Variants in GRIN2A observed in about 807,000 individuals in gnomAD.
The protein encoded by GRIN2A is glutamate ionotropic receptor NMDA type subunit 2A.
In GRIN2A, 22 loss-of-function variants were observed where a neutral mutation model predicts 113.4. The ratio of observed to expected loss-of-function variants is 0.19; its 90% CI spans 0.14 to 0.28. The LOEUF (loss-of-function observed/expected upper bound fraction) is 0.28, where lower values mean the gene tolerates loss of function less well. Among genes scored for constraint, GRIN2A ranks in the 10% least tolerant of loss-of-function variants. The pLI is 1.00. For synonymous variants in GRIN2A, 827 were observed against 738.4 expected (o/e 1.12, Z -1.94); for missense variants, 1,502 against 1,887.0 (o/e 0.80, Z 3.78).
At chr16:9,784,599 TTAAAC>T (rs1253902469) in intron 11 of GRIN2A, among the ~76,000 whole-genome samples, 6 of 152,098 alleles carry the variant, frequency 3.9e-5, no homozygotes, top group African/African-American at 9.6e-5. Context: ...TGGGATCTAA[TTAAAC>T]TAAAGAGCTT....
At chr16:9,850,346 T>C (rs1017830883) in intron 4 of GRIN2A, among the ~76,000 whole-genome samples, 16 of 152,192 alleles carry the variant, frequency 1.1e-4, no homozygotes, top group African/African-American at 3.9e-4. Context: ...ACTTACTAGC[T>C]GTACTAGGCA....
At chr16:10,049,313 G>T (rs2047313805) in intron 2 of GRIN2A, among the ~76,000 whole-genome samples, 1 of 151,900 alleles carries the variant, frequency 6.6e-6, no homozygotes, top group African/African-American at 2.4e-5. Flanking sequence ...AAGCATTTTA[G>T]ACTCATTATC....
chr16:9,833,384 T>C (rs570368674), intron 8 of GRIN2A, among the ~76,000 whole-genome samples: 1 of 152,368 alleles, frequency 6.6e-6, no homozygotes, highest in East Asian at 1.9e-4. Context: ...GTCAAACTAA[T>C]GTAAATTGAT....
At chr16:9,826,880 G>A in intron 9 of GRIN2A, among the ~76,000 whole-genome samples, 1 of 152,272 alleles carries the variant, frequency 6.6e-6, no homozygotes, top group East Asian at 1.9e-4. Context: ...AAACTATGTA[G>A]TAAGGATTTC....
intron 3 of GRIN2A, among the ~76,000 whole-genome samples, chr16:9,915,069 T>C (rs1205520047): frequency 1.3e-5 from 2 of 151,160 alleles, no homozygotes; most frequent in Non-Finnish European, 2.9e-5. Flanking sequence ...CCCTAGTAGC[T>C]GGGACTACAG....
chr16:10,012,068 C>CT (rs113283307), intron 2 of GRIN2A, among the ~76,000 whole-genome samples: 3,958 of 152,220 alleles, frequency 0.026, 188 homozygotes, highest in African/African-American at 0.091. Flanking sequence ...ATGATTTTGG[C>CT]TTTTTTTGTA....
intron 3 of GRIN2A, among the ~76,000 whole-genome samples, chr16:9,892,001 G>C (rs2043703884): frequency 6.6e-6 from 1 of 152,150 alleles, no homozygotes; most frequent in Non-Finnish European, 1.5e-5. Flanking sequence ...GGCTGAGGTA[G>C]GGGAATCACC....
intron 4 of GRIN2A, among the ~76,000 whole-genome samples, chr16:9,867,257 A>T (rs1198660861): frequency 6.6e-6 from 1 of 151,466 alleles, no homozygotes; most frequent in Non-Finnish European, 1.5e-5. Flanking sequence ...AAATTTTAGG[A>T]CTCCCTCTCT....
intron 3 of GRIN2A, among the ~76,000 whole-genome samples, chr16:9,925,553 A>C (rs1291734272): frequency 1.3e-5 from 2 of 152,176 alleles, no homozygotes; most frequent in Non-Finnish European, 2.9e-5. Flanking sequence ...CCATTCAGGG[A>C]GTCTGCCACA....
rs184874196 is a variant in GRIN2A at position 9,831,542 on chromosome 16, G to A, written c.1778-1890C>T. Among the ~76,000 whole-genome samples, 41 of 140,504 alleles carry A rather than the reference G, an allele frequency of 2.9e-4. No homozygotes were observed. The East Asian group carries it at 7.3e-3, about 25-fold the overall frequency. 92.2% of individuals were successfully genotyped at this position (140,504 alleles called of 152,430 possible). On this transcript the variant is annotated intron_variant, in intron 8 of 12. Coordinates refer to ENST00000330684, the MANE Select transcript of GRIN2A (RefSeq NM_001134407.3). ...TTTCTTTTTTTTTTTTTGAGATGGAGTCTTGCTCTGTCACTCAGGCTGCAG... is the reference window on the plus strand; with the variant it reads ...TTTCTTTTTTTTTTTTTGAGATGGAATCTTGCTCTGTCACTCAGGCTGCAG...
Position 10,180,570 on chromosome 16 carries a change from C to T in GRIN2A, c.-18-141G>A. 2 of 1,443,144 alleles carry T rather than the reference C, an allele frequency of 1.4e-6. No homozygotes were observed. The highest frequency in any genetic ancestry group is 2.8e-5 in the African/African-American group (2 of 70,630). 89.4% of individuals were successfully genotyped at this position (1,443,144 alleles called of 1,614,324 possible). A position where few individuals can be genotyped will look rare whatever the true frequency, so the allele number is the denominator to read the frequency against. ...GCTGCTGGGATCACGGACTCCATTCCGAGTCCCCGACGCCATCCACATCCC... is the reference window on the plus strand; with the variant it reads ...GCTGCTGGGATCACGGACTCCATTCTGAGTCCCCGACGCCATCCACATCCC... On this transcript the variant is annotated intron_variant, in intron 1 of 12. Coordinates refer to ENST00000330684, the MANE Select transcript of GRIN2A (RefSeq NM_001134407.3). The surrounding 1 kb of genome is among the most constrained non-coding windows in gnomAD (Gnocchi z 7.0).
rs553063655 is a variant in GRIN2A, at chr16:10,178,693, C to G, written c.414+1305G>C. On this transcript the variant is annotated intron_variant, in intron 2 of 12. Transcript: ENST00000330684. ...CAATTGTGTGCTACAGCTGAATGTG[C>G]TGCAGCCCAGGAGACCTGAAAGAAT... 4.6e-5 allele frequency among the ~76,000 whole-genome samples: 7 copies of G among 152,332 alleles called. No homozygotes were observed. The South Asian group carries it at 1.4e-3, about 32-fold the overall frequency.
chr16:9,781,748 A>C (rs564610758), intron 11 of GRIN2A, among the ~76,000 whole-genome samples: 182 of 152,296 alleles, frequency 1.2e-3, no homozygotes, highest in African/African-American at 4.2e-3. Context: ...TTCTACATCT[A>C]AGAGTTTGTT....
intron 2 of GRIN2A, among the ~76,000 whole-genome samples, chr16:10,021,186 C>G (rs1301495893): frequency 6.6e-6 from 1 of 152,178 alleles, no homozygotes; most frequent in Non-Finnish European, 1.5e-5. Flanking sequence ...CCCTAAGCAG[C>G]CTGTACCTTC....
chr16:9,977,653 A>G (rs1031925851), intron 2 of GRIN2A, among the ~76,000 whole-genome samples: 6 of 152,202 alleles, frequency 3.9e-5, no homozygotes, highest in African/African-American at 1.4e-4. Context: ...TTGCCACTAA[A>G]TTTTAACCAG....
intron 2 of GRIN2A, among the ~76,000 whole-genome samples, chr16:10,166,269 T>G (rs1325184668): frequency 1.3e-5 from 2 of 152,068 alleles, no homozygotes; most frequent in Non-Finnish European, 2.9e-5. Flanking sequence ...AAAACGGAAA[T>G]CTGCAAAAAG....
At chr16:9,900,397 G>A (rs2043897320) in intron 3 of GRIN2A, among the ~76,000 whole-genome samples, 2 of 152,260 alleles carry the variant, frequency 1.3e-5, no homozygotes, top group Non-Finnish European at 2.9e-5. Flanking sequence ...TCTATTCAGG[G>A]AGCACACCTG....
At chr16:10,129,560 G>A (rs2049019952) in intron 2 of GRIN2A, among the ~76,000 whole-genome samples, 3 of 152,126 alleles carry the variant, frequency 2.0e-5, no homozygotes, top group African/African-American at 2.4e-5. Flanking sequence ...ACCACAGAAA[G>A]GTCCAGGGGA....
At chr16:10,016,373 G>C (rs561049652) in intron 2 of GRIN2A, among the ~76,000 whole-genome samples, 122 of 152,104 alleles carry the variant, frequency 8.0e-4, no homozygotes, top group African/African-American at 2.6e-3. Context: ...GATGGGGTCA[G>C]ATCTCCACTT....
Sources: gnomAD v4.1 joint callset for allele counts (sites outside exome capture counted in the v4.1 genomes callset) on GRCh38, gnomAD v4.1.1 for gene constraint, Gnocchi (gnomAD v3.1) non-coding constraint, MANE v1.5 for transcripts, NCBI Gene and HGNC (gene_info 2026-07-23, HGNC 2026-07-21) for gene names.